PCDHA1: variants seen among roughly 807,000 people sequenced by gnomAD.
The protein encoded by PCDHA1 is protocadherin alpha 1.
PCDHA1 carries 42 observed loss-of-function variants against 61.3 expected under a neutral mutation model. That is an observed-to-expected ratio of 0.69 (90% CI 0.54 to 0.89). PCDHA1 has a LOEUF of 0.89. Ranked by LOEUF, PCDHA1 falls within the 40% of genes least tolerant of loss-of-function variation. The pLI, the probability that PCDHA1 is intolerant of heterozygous loss-of-function variation, is 0.00. For synonymous variants in PCDHA1, 610 were observed against 553.8 expected, an observed-to-expected ratio of 1.10 and a Z score of -1.43; for missense variants, 1,256 against 1,235.3, an observed-to-expected ratio of 1.02 and a Z score of -0.25.
chr5:140,922,989 G>A (rs2081104632), intron 1 of PCDHA1, among the ~76,000 whole-genome samples: 1 of 152,214 alleles, frequency 6.6e-6, no homozygotes, highest in Non-Finnish European at 1.5e-5. Context: ...CAATAGGCAA[G>A]CCATGAGAAT....
intron 1 of PCDHA1, among the ~76,000 whole-genome samples, chr5:140,939,802 A>C (rs1347672258): frequency 6.6e-6 from 1 of 152,220 alleles, no homozygotes; most frequent in Admixed American, 6.5e-5. Context: ...AATGTTCTGC[A>C]TGTTCAAGAA....
intron 1 of PCDHA1, among the ~76,000 whole-genome samples, chr5:140,941,562 G>A (rs1032844993): frequency 1.3e-5 from 2 of 151,596 alleles, no homozygotes; most frequent in African/African-American, 2.4e-5. Flanking sequence ...TGATCCATTC[G>A]CCTCAGCCTC....
chr5:141,009,992 C>G lies in PCDHA1; in HGVS notation c.*55C>G. 1 of 1,578,492 alleles carries G rather than the reference C, an allele frequency of 6.3e-7. No homozygotes were observed. On this transcript the variant is annotated 3_prime_UTR_variant, in exon 4 of 4. Transcript: ENST00000504120. ...CAGTTTTTGTAATAATGGCAAATCT[C>G]TCCCATGTAGCAATTCCCTGCTCCT...
intron 1 of PCDHA1, among the ~76,000 whole-genome samples, chr5:140,873,732 C>T (rs1309470062): frequency 6.6e-6 from 1 of 152,166 alleles, no homozygotes; most frequent in African/African-American, 2.4e-5. Context: ...GCAATCTCAG[C>T]TCACTGCAAT....
chr5:140,936,312 C>A (rs2090900162), intron 1 of PCDHA1, among the ~76,000 whole-genome samples: 1 of 152,166 alleles, frequency 6.6e-6, no homozygotes, highest in Non-Finnish European at 1.5e-5. Context: ...ATAGAACTTT[C>A]TGACATGCTA....
chr5:140,842,707 G>A, intron 1 of PCDHA1: 1 of 1,595,290 alleles, frequency 6.3e-7, no homozygotes, highest in Non-Finnish European at 8.6e-7. Context: ...AGTACACGGT[G>A]TTCGTGAAGG....
At chr5:140,890,627 G>A (rs1562851697) in intron 1 of PCDHA1, among the ~76,000 whole-genome samples, 1 of 152,056 alleles carries the variant, frequency 6.6e-6, no homozygotes, top group Non-Finnish European at 1.5e-5. Flanking sequence ...AGAAAATTAA[G>A]CATGTATCCT....
intron 1 of PCDHA1, chr5:140,929,048 G>A (rs782818540): frequency 1.9e-5 from 31 of 1,614,088 alleles, no homozygotes; most frequent in Middle Eastern, 1.6e-4. Flanking sequence ...CAGAGCTGCT[G>A]TCGCTCTACA....
At chr5:140,870,339 G>C in intron 1 of PCDHA1, 1 of 1,614,182 alleles carries the variant, frequency 6.2e-7, no homozygotes, top group Non-Finnish European at 8.5e-7. Flanking sequence ...ACAGCGCCCT[G>C]GACCGCGAGA....
chr5:140,893,689 A>G (rs999117899), intron 1 of PCDHA1, among the ~76,000 whole-genome samples: 2 of 152,192 alleles, frequency 1.3e-5, no homozygotes, highest in Non-Finnish European at 2.9e-5. Context: ...ATATCATCTC[A>G]TTCTATCCTA....
At chr5:140,931,751 A>G (rs1393748704) in intron 1 of PCDHA1, among the ~76,000 whole-genome samples, 2 of 151,952 alleles carry the variant, frequency 1.3e-5, no homozygotes, top group African/African-American at 4.8e-5. Context: ...TCACAAAGGC[A>G]TTTGTTATTT....
chr5:140,927,236 T>G, intron 1 of PCDHA1: 1 of 1,614,120 alleles, frequency 6.2e-7, no homozygotes, highest in Non-Finnish European at 8.5e-7. Context: ...ATTCACGTCC[T>G]GGACACCAAT....
At chr5:140,876,184 A>T in intron 1 of PCDHA1, 1 of 1,613,968 alleles carries the variant, frequency 6.2e-7, no homozygotes. Flanking sequence ...TGTGAATGAC[A>T]ATGGTCCGGC....
At chr5:140,883,342 C>T in intron 1 of PCDHA1, 1 of 1,614,154 alleles carries the variant, frequency 6.2e-7, no homozygotes, top group Non-Finnish European at 8.5e-7. Flanking sequence ...TGTCACTCCC[C>T]ATCAGAGAAG....
At chr5:140,862,828 G>A in intron 1 of PCDHA1, 1 of 572,818 alleles carries the variant, frequency 1.7e-6, no homozygotes, top group Non-Finnish European at 3.3e-6. Context: ...GAGAGCGCGC[G>A]ACGCGGGCAT....
At chr5:140,922,289 G>C (rs1554200767) in intron 1 of PCDHA1, among the ~76,000 whole-genome samples, 1 of 152,222 alleles carries the variant, frequency 6.6e-6, no homozygotes, top group Non-Finnish European at 1.5e-5. Flanking sequence ...ATATGAAAAT[G>C]CTAGGAGAGG....
intron 1 of PCDHA1, among the ~76,000 whole-genome samples, chr5:140,956,811 C>T (rs1349300314): frequency 6.6e-6 from 1 of 152,108 alleles, no homozygotes; most frequent in African/African-American, 2.4e-5. Context: ...TTTATTATTG[C>T]TTCAATTTGT....
intron 1 of PCDHA1, chr5:140,843,355 G>T (rs1554139992): frequency 1.9e-6 from 3 of 1,596,010 alleles, no homozygotes; most frequent in Admixed American, 1.7e-5. Context: ...CTCCAAAAGC[G>T]TCATCGAGGC....
At chr5:140,875,707 C>T in intron 1 of PCDHA1, 1 of 1,614,166 alleles carries the variant, frequency 6.2e-7, no homozygotes. Flanking sequence ...GGAGGTAAAT[C>T]TGCAGAATGG....
Sources: gnomAD v4.1 joint callset for allele counts (sites outside exome capture counted in the v4.1 genomes callset) on GRCh38, gnomAD v4.1.1 for gene constraint, MANE v1.5 for transcripts, NCBI Gene and HGNC (gene_info 2026-07-23, HGNC 2026-07-21) for gene names.